The following GRM6 variants were observed in gnomAD, a reference collection of about 807,000 sequenced individuals.
GRM6 encodes glutamate metabotropic receptor 6.
Under a neutral mutation model 78.4 loss-of-function variants are expected in GRM6, and 73 were observed. The observed-to-expected ratio is 0.93, with a 90% confidence interval of 0.77 to 1.13. The LOEUF (loss-of-function observed/expected upper bound fraction) is 1.13, where lower values mean the gene tolerates loss of function less well. Ranked by LOEUF, GRM6 falls within the 50% of genes most tolerant of loss-of-function variation. The probability of loss-of-function intolerance (pLI) is 0.00; values close to 1 mark genes in which losing one functional copy is unlikely to be tolerated. For synonymous variants in GRM6, 580 were observed against 555.0 expected (o/e 1.05, Z -0.63); for missense variants, 1,251 against 1,256.4 (o/e 1.00, Z 0.07).
chr5:178,984,264 C>T (rs1760463581), intron 9 of GRM6, among the ~76,000 whole-genome samples: 1 of 146,880 alleles, frequency 6.8e-6, no homozygotes, highest in Non-Finnish European at 1.5e-5. Context: ...ACAGATGCCG[C>T]AGCCCGTGGA....
chr5:178,994,924 G>T lies in GRM6; in HGVS notation c.21C>A (p.Ala7=), dbSNP rs1331079230. MARPRR[A]REPLLVALLP... ...GCAGCGCCACGAGCAGCGGCTCCCG[G>T]GCTCTCCGGGGCCGCGCCATCGGCT... The change falls in exon 2 of 11, where the codon GCC becomes GCA. Residue 7 remains alanine, a synonymous_variant. Transcript: ENST00000517717. 2 of 1,190,796 alleles carry T rather than the reference G, an allele frequency of 1.7e-6. No individual in the cohort carries two copies. The highest frequency in any genetic ancestry group is 2.1e-6 in the Non-Finnish European group (2 of 961,808). 73.8% of individuals were successfully genotyped at this position (1,190,796 alleles called of 1,614,324 possible). A position where few individuals can be genotyped will look rare whatever the true frequency, so the allele number is the denominator to read the frequency against.
rs1263518738 is a variant in GRM6, at chr5:178,986,759, A to G, written c.1501-6T>C. 1.2e-6 allele frequency: 2 copies of G among 1,608,818 alleles called. No homozygotes were observed. Among genetic ancestry groups the G allele is most frequent in the East Asian group, 4.5e-5 (2 of 44,840 alleles). ...GACCACTGCAGGGCCTCCACCTGGG[A>G]CGCACAAAACACAGGCTGGGGCGTC... On this transcript the variant is annotated splice_polypyrimidine_tract_variant and splice_region_variant and intron_variant, in intron 8 of 10. Transcript: ENST00000517717.
chr5:178,981,875 C>T lies in GRM6; in HGVS notation c.2437-21G>A, dbSNP rs747528585. The T allele has an allele frequency of 6.1e-6, 9 of 1,473,900 alleles. No individual in the cohort carries two copies. In the African/African-American group the frequency reaches 8.3e-5, roughly 14 times the overall value. 91.3% of individuals were successfully genotyped at this position (1,473,900 alleles called of 1,614,324 possible). On this transcript the variant is annotated intron_variant, in intron 10 of 10. Transcript: ENST00000517717. This position sits in a 1 kb window ranked among gnomAD's most constrained non-coding sequence, Gnocchi z 5.1. ...TAGATCTAGGCCATGGAAGAGGGGA[C>T]CAGATGGGACTCAGCCCTGCTCTCC... is the stretch of plus-strand genomic sequence containing the variant.
intron 2 of GRM6, among the ~76,000 whole-genome samples, chr5:178,993,876 C>A (rs1440124924): frequency 6.6e-6 from 1 of 152,176 alleles, no homozygotes; most frequent in Non-Finnish European, 1.5e-5. Context: ...CCCCGCCCTG[C>A]TCTCAGATGC....
Position 178,986,318 on chromosome 5 carries a change from C to A in GRM6, c.1936G>T (p.Gly646Trp), listed in dbSNP as rs773325552. Residue 646 changes from glycine to tryptophan, a missense_variant, in exon 9 of 11, where the codon GGG (glycine) becomes TGG (tryptophan). Gly to Trp is a radical substitution (Grantham distance 184). Transcript: ENST00000517717. ...CTGCGGGCGGCACAGACCGCGGCCCCAGGCTCAGCCACCATGAGGAAGGTG... is the reference window on the plus strand; with the variant it reads ...CTGCGGGCGGCACAGACCGCGGCCCAAGGCTCAGCCACCATGAGGAAGGTG... ...AITFLMVAEP[G>W]AAVCAARRLF... is the part of the protein sequence containing the mutation. The A allele has an allele frequency of 6.3e-5, 101 of 1,613,942 alleles. No homozygotes were observed. The highest frequency in any genetic ancestry group is 1.2e-4 in the Admixed American group (7 of 60,002).
Position 178,985,593 on chromosome 5 carries a change from C to T in GRM6, c.2124+537G>A, listed in dbSNP as rs1442282881. ...TGGCGGGCGCCTGTAGTCCCAGCTA[C>T]TCGGGAGGCTGAGGCAGGAGAATGG... On this transcript the variant is annotated intron_variant, in intron 9 of 10. Transcript: ENST00000517717. 8.0e-5 allele frequency: 28 copies of T among 348,672 alleles called. No homozygotes were observed. In the East Asian group the frequency reaches 9.7e-4, roughly 12 times the overall value. The allele number at this position is 348,672 out of a possible 1,614,324, so 21.6% of individuals were successfully genotyped here.
In GRM6 at chr5:178,981,887, C is replaced by T. The variant is rs1474041814; in HGVS notation, c.2437-33G>A. 2 of 1,308,904 alleles carry T rather than the reference C, an allele frequency of 1.5e-6. No individual in the cohort carries two copies. Among genetic ancestry groups the T allele is most frequent in the Admixed American group, 3.4e-5 (2 of 59,614 alleles). 81.1% of individuals were successfully genotyped at this position (1,308,904 alleles called of 1,614,324 possible). ...ATGGAAGAGGGGACCAGATGGGACTCAGCCCTGCTCTCCCTGCCCCGCTCC... is the reference window on the plus strand; with the variant it reads ...ATGGAAGAGGGGACCAGATGGGACTTAGCCCTGCTCTCCCTGCCCCGCTCC... On this transcript the variant is annotated intron_variant, in intron 10 of 10. Coordinates refer to ENST00000517717, the MANE Select transcript of GRM6 (RefSeq NM_000843.4). The surrounding 1 kb of genome is among the most constrained non-coding windows in gnomAD (Gnocchi z 5.1).
intron 9 of GRM6, among the ~76,000 whole-genome samples, chr5:178,984,283 C>A (rs550566444): frequency 1.9e-5 from 2 of 103,964 alleles, no homozygotes; most frequent in South Asian, 2.9e-4. Context: ...GAGTGGGGAG[C>A]GAGCGAGCAC....
rs1210223181 is a variant in GRM6, at chr5:178,990,695, C to A, written c.909G>T (p.Trp303Cys). Residue 303 changes from tryptophan to cysteine, a missense_variant, in exon 5 of 11, where the codon TGG becomes TGT. By Grantham distance (215) the Trp-to-Cys change is radical. Transcript: ENST00000517717. ...RQANLTGHFLWVGSDSWGAKT... is the reference protein window; with the variant it reads ...RQANLTGHFLCVGSDSWGAKT... ...TGGCTCCCCAGCTGTCTGAGCCGAC[C>A]CACAGGAAGTGGCCGGTCAGGTTGG... The A allele has an allele frequency of 1.9e-6, 3 of 1,597,924 alleles. No individual in the cohort carries two copies. The highest frequency in any genetic ancestry group is 2.3e-5 in the East Asian group (1 of 43,956).
At chr5:178,985,848 A>T in intron 9 of GRM6, 2 of 545,250 alleles carry the variant, frequency 3.7e-6, no homozygotes, top group South Asian at 1.8e-5. Flanking sequence ...AGCAACCTTC[A>T]ACTCTTGGGC....
In GRM6 at chr5:178,983,136, T is replaced by C. The variant is rs2113315150; in HGVS notation, c.2210A>G (p.Gln737Arg). 6.2e-7 allele frequency: 1 copy of C among 1,614,016 alleles called. No homozygotes were observed. The highest frequency in any genetic ancestry group is 8.5e-7 in the Non-Finnish European group (1 of 1,179,932). ...YEEQRTVDPE[Q>R]ARGVLKCDMS... ...GTCGCACTTGAGCACCCCTCTGGCC[T>C]GCTCGGGGTCCACCGTCCGCTGTTC... is the stretch of plus-strand genomic sequence containing the variant. The change falls in exon 10 of 11, where the codon CAG (glutamine) becomes CGG (arginine). Residue 737 changes from glutamine to arginine, a missense_variant. Physicochemically the swap from Gln to Arg is conservative, Grantham distance 43. Transcript: ENST00000517717.
chr5:178,989,110 G>A lies in GRM6; in HGVS notation c.1179C>T (p.Ser393=), dbSNP rs1760622636. 1 of 1,614,030 alleles carries A rather than the reference G, an allele frequency of 6.2e-7. No individual in the cohort carries two copies. Among genetic ancestry groups the A allele is most frequent in the Non-Finnish European group, 8.5e-7 (1 of 1,179,958 alleles). The change falls in exon 7 of 11, where the codon TCC becomes TCT. Residue 393 remains serine, a synonymous_variant. Coordinates refer to ENST00000517717, the MANE Select transcript of GRM6 (RefSeq NM_000843.4). Reference sequence around the variant, plus strand: ...GCACCTTGCCCTCCTGCTCGTAGGTGGAGTCCCGGCCGATGCGTTCCTCGC... The same window carrying A: ...GCACCTTGCCCTCCTGCTCGTAGGTAGAGTCCCGGCCGATGCGTTCCTCGC... ...CTGEERIGRD[S]TYEQEGKVQF... is the part of the protein sequence containing the mutation.
intron 10 of GRM6, 166 bp downstream of exon 10, chr5:178,982,744 G>A: frequency 1.6e-6 from 1 of 626,106 alleles, no homozygotes; most frequent in Non-Finnish European, 2.9e-6. Context: ...GGGGTTAGAA[G>A]CTTGGAAAAG....
At position 178,988,424 on chromosome 5, in the gene GRM6, C is replaced by T. The variant is rs911089744; in HGVS notation, c.1354+511G>A. Among the ~76,000 whole-genome samples the T allele has an allele frequency of 2.6e-5, 4 of 151,946 alleles. No individual in the cohort carries two copies. Among genetic ancestry groups the T allele is most frequent in the East Asian group, 3.9e-4 (2 of 5,158 alleles). On this transcript the variant is annotated intron_variant, in intron 7 of 10. Transcript: ENST00000517717. The surrounding 1 kb of genome is among the most constrained non-coding windows in gnomAD (Gnocchi z 6.0). ...AACAGAAAGTCATCTCTCCACAAAC[C>T]GTGGACAGAGCTTGAGTCCACTGGG...
intron 2 of GRM6, among the ~76,000 whole-genome samples, chr5:178,993,129 C>T (rs1760711204): frequency 6.6e-6 from 1 of 152,148 alleles, no homozygotes; most frequent in Admixed American, 6.5e-5. Flanking sequence ...TCTTTTAGAC[C>T]AGGAATTGCA....
At position 178,992,163 on chromosome 5, in the gene GRM6, C is replaced by T. The variant is rs756114876; in HGVS notation, c.505-80G>A. 5.5e-5 allele frequency: 51 copies of T among 920,340 alleles called. No homozygotes were observed. Among genetic ancestry groups the T allele is most frequent in the Non-Finnish European group, 7.1e-5 (41 of 574,336 alleles). The allele number at this position is 920,340 out of a possible 1,614,324, so 57.0% of individuals were successfully genotyped here. On this transcript the variant is annotated intron_variant, in intron 2 of 10. Transcript: ENST00000517717. This position sits in a 1 kb window ranked among gnomAD's most constrained non-coding sequence, Gnocchi z 4.9. ...GGGAGGGTAAGGGGGGCCCAGGACA[C>T]GGACGGGGCACAGAAGGTGTGTGGC...
Position 178,981,689 on chromosome 5 carries a change from G to T in GRM6, c.2602C>A (p.Pro868Thr). 6.2e-7 allele frequency: 1 copy of T among 1,614,124 alleles called. No homozygotes were observed. Among genetic ancestry groups the T allele is most frequent in the South Asian group, 1.1e-5 (1 of 91,068 alleles). ...TGGGCCTCTGCATCCTCGCCCTTGG[G>T]TGGGGCTGCCACCGTGGAGGTGGCC... ...LKATSTVAAP[P>T]KGEDAEAHK is the part of the protein sequence containing the mutation. The change falls in exon 11 of 11, where the codon CCC becomes ACC. Residue 868 changes from proline (P) to threonine (T), a missense_variant. Coordinates refer to ENST00000517717, the MANE Select transcript of GRM6 (RefSeq NM_000843.4). This position sits in a 1 kb window ranked among gnomAD's most constrained non-coding sequence, Gnocchi z 5.1.
At position 178,986,598 on chromosome 5, in the gene GRM6, C is replaced by T. The variant is rs1760559278; in HGVS notation, c.1656G>A (p.Glu552=). ...ACDGYRFQVD[E]FTCEACPGDM... is the part of the protein sequence containing the mutation. ...CCCCAGGACAGGCCTCGCATGTGAA[C>T]TCGTCCACCTGGAAGCGGTACCCGT... Residue 552 remains glutamate (E), a synonymous_variant, in exon 9 of 11, where the codon GAG becomes GAA. Transcript: ENST00000517717. 5 of 1,605,034 alleles carry T rather than the reference C, an allele frequency of 3.1e-6. No homozygotes were observed. The highest frequency in any genetic ancestry group is 4.2e-6 in the Non-Finnish European group (5 of 1,179,874).
chr5:178,982,831 A>G (rs1325827093), intron 10 of GRM6, 79 bp downstream of exon 10: 1 of 997,680 alleles, frequency 1.0e-6, no homozygotes, highest in Non-Finnish European at 1.6e-6. Context: ...AAGCACGAAC[A>G]AGCATTTAAT....
Sources: gnomAD v4.1 joint callset for allele counts (sites outside exome capture counted in the v4.1 genomes callset) on GRCh38, gnomAD v4.1.1 for gene constraint, Gnocchi (gnomAD v3.1) non-coding constraint, MANE v1.5 for transcripts, NCBI Gene and HGNC (gene_info 2026-07-23, HGNC 2026-07-21) for gene names.